TRIM42: variants seen among roughly 807,000 people sequenced by gnomAD.
TRIM42 encodes the protein tripartite motif-containing protein 42.
Under a neutral mutation model 64.9 loss-of-function variants are expected in TRIM42, and 59 were observed. The ratio of observed to expected loss-of-function variants is 0.91; its 90% CI spans 0.74 to 1.13. TRIM42 has a LOEUF of 1.13. Among genes scored for constraint, TRIM42 ranks in the 50% most tolerant of loss-of-function variants. The probability of loss-of-function intolerance (pLI) is 0.00; values close to 1 mark genes in which losing one functional copy is unlikely to be tolerated. For missense variants in TRIM42, 878 were observed against 929.5 expected, an observed-to-expected ratio of 0.94 and a Z score of 0.72; for synonymous variants, 354 against 346.3, an observed-to-expected ratio of 1.02 and a Z score of -0.25.
intron 3 of TRIM42, among the ~76,000 whole-genome samples, chr3:140,690,422 T>G (rs1372759608): frequency 6.6e-6 from 1 of 151,130 alleles, no homozygotes; most frequent in Admixed American, 6.6e-5. Flanking sequence ...TAAATTATTT[T>G]GGGAGAAATT....
In TRIM42 at chr3:140,688,512, C is replaced by T; in HGVS notation, c.1830C>T (p.Tyr610=). 4 of 1,613,106 alleles carry T rather than the reference C, an allele frequency of 2.5e-6. No homozygotes were observed. The highest frequency in any genetic ancestry group is 3.4e-6 in the Non-Finnish European group (4 of 1,179,468). The change falls in exon 3 of 5, where the codon TAC becomes TAT. Residue 610 remains tyrosine, a synonymous_variant. Coordinates refer to ENST00000286349, the MANE Select transcript of TRIM42 (RefSeq NM_152616.5). ...SVKTPGPIVI[Y]QTLVYPRAAK... is the part of the protein sequence containing the mutation. ...AGACCCCAGGCCCAATTGTTATCTACCAGACTCTGGTGTACCCAAGAGCTG... is the reference window on the plus strand; with the variant it reads ...AGACCCCAGGCCCAATTGTTATCTATCAGACTCTGGTGTACCCAAGAGCTG...
At chr3:140,693,729 T>A (rs1212041825) in intron 4 of TRIM42, among the ~76,000 whole-genome samples, 1 of 152,212 alleles carries the variant, frequency 6.6e-6, no homozygotes, top group Admixed American at 6.5e-5. Context: ...CTATCACACG[T>A]ATTTTTGTTT....
intron 2 of TRIM42, among the ~76,000 whole-genome samples, chr3:140,684,483 T>A (rs930652236): frequency 6.6e-6 from 1 of 152,158 alleles, no homozygotes; most frequent in African/African-American, 2.4e-5. Context: ...CAGATAGGCC[T>A]ACACATTTGG....
At chr3:140,687,131 G>C (rs1417560338) in intron 2 of TRIM42, among the ~76,000 whole-genome samples, 1 of 152,088 alleles carries the variant, frequency 6.6e-6, no homozygotes, top group African/African-American at 2.4e-5. Flanking sequence ...AAGGAGTGGG[G>C]GAAAGGCAAG....
chr3:140,698,812 C>T (rs920772587), intron 4 of TRIM42, among the ~76,000 whole-genome samples: 21 of 152,094 alleles, frequency 1.4e-4, no homozygotes, highest in Non-Finnish European at 2.8e-4. Context: ...GATCCTATCT[C>T]CTATAAAGAA....
intron 1 of TRIM42, 150 bp downstream of exon 1, chr3:140,678,720 T>C (rs1164294061): frequency 6.1e-6 from 4 of 657,388 alleles, no homozygotes; most frequent in Non-Finnish European, 1.0e-5. Flanking sequence ...AGCAATTAAT[T>C]GTATCCTAAA....
At chr3:140,688,646 C>G in intron 3 of TRIM42, 104 bp downstream of exon 3, 1 of 870,294 alleles carries the variant, frequency 1.1e-6, no homozygotes, top group Non-Finnish European at 1.8e-6. Context: ...CCTCTAGGAT[C>G]TGGTCACTCA....
chr3:140,697,129 T>C (rs1009931254), intron 4 of TRIM42, among the ~76,000 whole-genome samples: 1 of 152,338 alleles, frequency 6.6e-6, no homozygotes, highest in African/African-American at 2.4e-5. Flanking sequence ...TTTATATTTT[T>C]GTTAGTTTTC....
chr3:140,685,139 T>C lies in TRIM42; in HGVS notation c.1039+1980T>C, dbSNP rs556316462. On this transcript the variant is annotated intron_variant, in intron 2 of 4. Transcript: ENST00000286349. ...ATTTTTTAACCAGGGTTCAAACTTG[T>C]TCGTGAGCATTTGATTCACTTTTCT... is the stretch of plus-strand genomic sequence containing the variant. Among the ~76,000 whole-genome samples the C allele has an allele frequency of 1.0e-3, 156 of 152,364 alleles. 1 individual carries two copies. Among genetic ancestry groups the C allele is most frequent in the African/African-American group, 3.7e-3 (152 of 41,592 alleles).
At chr3:140,683,372 T>C (rs2107757801) in intron 2 of TRIM42, among the ~76,000 whole-genome samples, 1 of 152,176 alleles carries the variant, frequency 6.6e-6, no homozygotes, top group East Asian at 2.0e-4. Flanking sequence ...GTGCCTTGCT[T>C]TTCTCACCTA....
At chr3:140,690,885 T>G in intron 3 of TRIM42, 83 bp from the exon 4 acceptor site, 3 of 1,158,096 alleles carry the variant, frequency 2.6e-6, no homozygotes, top group Non-Finnish European at 3.8e-6. Flanking sequence ...ACCCCACAGA[T>G]AGTCAACATC....
intron 1 of TRIM42, chr3:140,680,570 T>C: frequency 1.8e-6 from 1 of 547,864 alleles, no homozygotes; most frequent in Non-Finnish European, 2.3e-6. Context: ...AGCCTCTCTT[T>C]ATATTATACC....
At position 140,682,923 on chromosome 3, in the gene TRIM42, C is replaced by A; in HGVS notation, c.803C>A (p.Ser268Ter). ...LCNDCLKAFH[S>*]DVAMQDHVFV... ...AACGACTGCCTCAAGGCCTTCCACT[C>A]GGATGTGGCCATGCAAGACCACGTC... Residue 268 changes from serine to a stop codon, truncating the protein, a stop_gained, in exon 2 of 5, where the codon TCG becomes TAG. Coordinates refer to ENST00000286349, the MANE Select transcript of TRIM42 (RefSeq NM_152616.5). LOFTEE classifies it high-confidence loss of function. 1 of 1,614,206 alleles carries A rather than the reference C, an allele frequency of 6.2e-7. No individual in the cohort carries two copies. Among genetic ancestry groups the A allele is most frequent in the South Asian group, 1.1e-5 (1 of 91,088 alleles).
At chr3:140,686,148 A>C (rs1988539590) in intron 2 of TRIM42, among the ~76,000 whole-genome samples, 2 of 152,218 alleles carry the variant, frequency 1.3e-5, no homozygotes, top group Non-Finnish European at 2.9e-5. Context: ...ACATAAGCCT[A>C]ATCAATCCCT....
intron 4 of TRIM42, among the ~76,000 whole-genome samples, chr3:140,691,736 A>G (rs1447624919): frequency 1.3e-5 from 2 of 152,216 alleles, no homozygotes; most frequent in Non-Finnish European, 2.9e-5. Context: ...TAAGCAGGTC[A>G]GTGTGCCTTC....
intron 4 of TRIM42, among the ~76,000 whole-genome samples, chr3:140,692,754 G>A (rs958922375): frequency 1.1e-4 from 17 of 152,114 alleles, no homozygotes; most frequent in African/African-American, 2.9e-4. Context: ...CCCCACATCC[G>A]CATGTCTCTT....
At chr3:140,697,957 A>G (rs1051919132) in intron 4 of TRIM42, among the ~76,000 whole-genome samples, 1 of 152,236 alleles carries the variant, frequency 6.6e-6, no homozygotes, top group African/African-American at 2.4e-5. Context: ...TGCTGGGATT[A>G]CAGGCATGAG....
chr3:140,699,164 T>C (rs982223433), intron 4 of TRIM42, among the ~76,000 whole-genome samples: 1 of 152,200 alleles, frequency 6.6e-6, no homozygotes, highest in African/African-American at 2.4e-5. Context: ...TAAATTCCAC[T>C]TCCATTCATG....
At chr3:140,698,683 C>G (rs1269332403) in intron 4 of TRIM42, among the ~76,000 whole-genome samples, 1 of 152,078 alleles carries the variant, frequency 6.6e-6, no homozygotes, top group Non-Finnish European at 1.5e-5. Flanking sequence ...TAATAGATTA[C>G]TGGTTTAGAA....
Sources: gnomAD v4.1 joint callset for allele counts (sites outside exome capture counted in the v4.1 genomes callset) on GRCh38, gnomAD v4.1.1 for gene constraint, MANE v1.5 for transcripts, NCBI Gene and HGNC (gene_info 2026-07-23, HGNC 2026-07-21) for gene names.